Variants in SBF2 observed in about 807,000 individuals in gnomAD.
SBF2 encodes the protein SET binding factor 2, also known as myotubularin-related protein 13.
Under a neutral mutation model 225.2 loss-of-function variants are expected in SBF2, and 112 were observed. The observed-to-expected ratio is 0.50, with a 90% CI of 0.43 to 0.58. SBF2 has a LOEUF of 0.58. SBF2 is among the 20% of genes least tolerant of loss of function. The pLI, the probability that SBF2 is intolerant of heterozygous loss-of-function variation, is 0.00. For synonymous variants in SBF2, 763 were observed against 773.3 expected (o/e 0.99, Z 0.22); for missense variants, 1,996 against 2,206.2 (o/e 0.90, Z 1.91).
chr11:9,982,709 G>T (rs184757187), intron 13 of SBF2, among the ~76,000 whole-genome samples: 1 of 152,294 alleles, frequency 6.6e-6, no homozygotes, highest in Admixed American at 6.5e-5. Context: ...ATCCTCGGAA[G>T]GAAGTGAACT....
intron 1 of SBF2, among the ~76,000 whole-genome samples, chr11:10,196,866 A>ATATATATATTTTTT: frequency 1.7e-4 from 17 of 99,308 alleles, no homozygotes; most frequent in African/African-American, 6.5e-4. Flanking sequence ...ATATATATAT[A>ATATATATATTTTTT]TTTTTTTTTT....
chr11:10,085,367 T>C (rs371009130), intron 2 of SBF2, among the ~76,000 whole-genome samples: 2 of 152,348 alleles, frequency 1.3e-5, no homozygotes, highest in South Asian at 2.1e-4. Flanking sequence ...TGACCCCGTA[T>C]TGAGTTTCTG....
chr11:10,028,998 T>C (rs1395602521), intron 5 of SBF2, among the ~76,000 whole-genome samples: 2 of 151,400 alleles, frequency 1.3e-5, no homozygotes, highest in African/African-American at 4.9e-5. Flanking sequence ...CAAAAGACAA[T>C]GAGAAAGATA....
intron 17 of SBF2, among the ~76,000 whole-genome samples, chr11:9,860,523 G>T (rs959065549): frequency 1.3e-5 from 2 of 151,912 alleles, no homozygotes; most frequent in Non-Finnish European, 2.9e-5. Flanking sequence ...TAGAGATGGG[G>T]TTTCATCATA....
chr11:9,911,670 G>A (rs1387024631), intron 16 of SBF2, among the ~76,000 whole-genome samples: 4 of 152,158 alleles, frequency 2.6e-5, no homozygotes, highest in African/African-American at 9.7e-5. Flanking sequence ...ACCACTCACT[G>A]ACTCACCCAG....
chr11:9,922,752 CT>C (rs1565008004), intron 16 of SBF2, among the ~76,000 whole-genome samples: 2 of 152,028 alleles, frequency 1.3e-5, no homozygotes, highest in South Asian at 4.1e-4. Context: ...GTTTTTTTCT[CT>C]TTTCTCTATT....
chr11:10,118,228 C>T (rs544521685), intron 2 of SBF2, among the ~76,000 whole-genome samples: 2 of 152,302 alleles, frequency 1.3e-5, no homozygotes, highest in East Asian at 3.9e-4. Context: ...TATCCTTAGT[C>T]ACTGACTGAT....
intron 2 of SBF2, among the ~76,000 whole-genome samples, chr11:10,073,052 C>T (rs1452244826): frequency 6.6e-6 from 1 of 151,846 alleles, no homozygotes; most frequent in Non-Finnish European, 1.5e-5. Context: ...GTCATCGCAC[C>T]CAGTGGTTAT....
At chr11:9,798,116 T>G (rs1403462415) in intron 32 of SBF2, among the ~76,000 whole-genome samples, 1 of 152,226 alleles carries the variant, frequency 6.6e-6, no homozygotes, top group Non-Finnish European at 1.5e-5. Context: ...GCCCTCTATG[T>G]GTGTCTCAGT....
At chr11:10,015,785 T>C (rs1298151250) in intron 6 of SBF2, among the ~76,000 whole-genome samples, 1 of 151,996 alleles carries the variant, frequency 6.6e-6, no homozygotes, top group Non-Finnish European at 1.5e-5. Flanking sequence ...AAATGAAGAC[T>C]CTGGGGAAAA....
chr11:9,817,881 G>A lies in SBF2; in HGVS notation c.3794-857C>T, dbSNP rs558066223. On this transcript the variant is annotated intron_variant, in intron 28 of 39. Transcript: ENST00000256190. ...ACTGCGCTACATACTGGGCAACAGA[G>A]TAAGACACTGTCTCTAAAATAAAAT... Among the ~76,000 whole-genome samples, 10 of 152,114 alleles carry A rather than the reference G, an allele frequency of 6.6e-5. No homozygotes were observed. In the South Asian group the frequency reaches 1.7e-3, roughly 25 times the overall value.
intron 32 of SBF2, among the ~76,000 whole-genome samples, chr11:9,802,364 C>T (rs780225550): frequency 1.1e-4 from 16 of 152,138 alleles, no homozygotes; most frequent in Non-Finnish European, 1.9e-4. Context: ...GATATACTGG[C>T]GTAAACAATG....
At chr11:10,244,147 G>C (rs1257766707) in intron 1 of SBF2, among the ~76,000 whole-genome samples, 1 of 152,158 alleles carries the variant, frequency 6.6e-6, no homozygotes, top group Non-Finnish European at 1.5e-5. Context: ...CAAGACAAGT[G>C]ATTTTTTGTC....
intron 1 of SBF2, among the ~76,000 whole-genome samples, chr11:10,222,446 A>C (rs1419955072): frequency 6.6e-6 from 1 of 152,236 alleles, no homozygotes; most frequent in Non-Finnish European, 1.5e-5. Flanking sequence ...CTAAAAAATA[A>C]CAAAGTAGAA....
chr11:9,950,482 T>C (rs1316215681), intron 16 of SBF2, among the ~76,000 whole-genome samples: 1 of 152,196 alleles, frequency 6.6e-6, no homozygotes, highest in African/African-American at 2.4e-5. Flanking sequence ...ACTCTAGGTA[T>C]ATATCAAATT....
At chr11:10,231,190 T>G (rs1344645796) in intron 1 of SBF2, among the ~76,000 whole-genome samples, 3 of 152,170 alleles carry the variant, frequency 2.0e-5, no homozygotes. Context: ...TCAGTATTGG[T>G]TATTCTAGTT....
chr11:10,000,998 C>A lies in SBF2; in HGVS notation c.777G>T (p.Pro259=). ...AACTTAGAACTTCCAGTAGCTGAGC[C>A]GGGAGAATAGGGATATAAGGATAAC... ...KYSYPYIPIL[P]AQLLEVLSSP... is the part of the protein sequence containing the mutation. The change falls in exon 8 of 40, where the codon CCG becomes CCT. Residue 259 remains proline, a synonymous_variant. Coordinates refer to ENST00000256190, the MANE Select transcript of SBF2 (RefSeq NM_030962.4). 1 of 1,594,900 alleles carries A rather than the reference C, an allele frequency of 6.3e-7. No individual in the cohort carries two copies. The highest frequency in any genetic ancestry group is 2.2e-5 in the East Asian group (1 of 44,686).
intron 22 of SBF2, among the ~76,000 whole-genome samples, chr11:9,847,941 T>C (rs1856669229): frequency 6.6e-6 from 1 of 152,062 alleles, no homozygotes; most frequent in Admixed American, 6.6e-5. Context: ...TAGAAAATGA[T>C]TTTTGGGAGA....
chr11:9,865,357 T>C (rs1460069500), intron 17 of SBF2, among the ~76,000 whole-genome samples: 1 of 152,110 alleles, frequency 6.6e-6, no homozygotes. Flanking sequence ...AACAATCTTA[T>C]GACCCACTGA....
Sources: allele counts gnomAD v4.1 joint callset (sites outside exome capture counted in the v4.1 genomes callset), GRCh38; gene constraint gnomAD v4.1.1; transcripts MANE v1.5; gene names NCBI Gene and HGNC (gene_info 2026-07-23, HGNC 2026-07-21).